PCDHA8: variants seen among roughly 807,000 people sequenced by gnomAD.
PCDHA8 encodes protocadherin alpha-8.
In PCDHA8, 53 loss-of-function variants were observed where a neutral mutation model predicts 61.8. That is an observed-to-expected ratio of 0.86 (90% confidence interval 0.69 to 1.08). PCDHA8 has a LOEUF of 1.08. Ranked by LOEUF, PCDHA8 falls within the 50% of genes least tolerant of loss-of-function variation. The probability of loss-of-function intolerance (pLI) is 0.00; values close to 1 mark genes in which losing one functional copy is unlikely to be tolerated. For synonymous variants in PCDHA8, 618 were observed against 556.6 expected, an observed-to-expected ratio of 1.11 and a Z score of -1.55; for missense variants, 1,293 against 1,245.0, an observed-to-expected ratio of 1.04 and a Z score of -0.58.
intron 1 of PCDHA8, among the ~76,000 whole-genome samples, chr5:140,900,333 C>T (rs10071692): frequency 3.3e-5 from 5 of 151,856 alleles, no homozygotes; most frequent in Admixed American, 6.6e-5. Flanking sequence ...GCTGGAGTAC[C>T]GTGGCGCAAT....
At chr5:140,992,643 A>C (rs1215653539) in intron 3 of PCDHA8, among the ~76,000 whole-genome samples, 1 of 152,148 alleles carries the variant, frequency 6.6e-6, no homozygotes. Context: ...CCTGGAAAAT[A>C]GAAGAAAGAG....
At chr5:140,863,351 C>A in intron 1 of PCDHA8, 1 of 1,288,682 alleles carries the variant, frequency 7.8e-7, no homozygotes, top group Non-Finnish European at 1.1e-6. Flanking sequence ...CTGTACACGA[C>A]GCTGCGGTGC....
intron 3 of PCDHA8, among the ~76,000 whole-genome samples, chr5:140,987,698 A>T (rs1213489735): frequency 6.6e-6 from 1 of 152,142 alleles, no homozygotes; most frequent in African/African-American, 2.4e-5. Flanking sequence ...TTTTTAAATG[A>T]TTTTTCCAGG....
chr5:140,899,936 T>G (rs1443562291), intron 1 of PCDHA8, among the ~76,000 whole-genome samples: 1 of 152,064 alleles, frequency 6.6e-6, no homozygotes, highest in Non-Finnish European at 1.5e-5. Flanking sequence ...GCCTCCTGAA[T>G]AGCTGGGACC....
chr5:140,876,553 G>A, intron 1 of PCDHA8: 2 of 1,614,216 alleles, frequency 1.2e-6, no homozygotes, highest in African/African-American at 2.7e-5. Context: ...CCCTGTGCAA[G>A]AGGATGCTCA....
Position 140,842,829 on chromosome 5 carries a change from C to A in PCDHA8, c.1508C>A (p.Ser503Ter), listed in dbSNP as rs2150345601. The change falls in exon 1 of 4, where the codon TCG becomes TAG. Residue 503 changes from serine (S) to a stop codon, truncating the protein, a stop_gained. Transcript: ENST00000531613. LOFTEE classifies it high-confidence loss of function. ...GTGGAGCGGCGGGTGGGCGAGCGCT[C>A]GCTGTCGAGCTACATTTCGGTGCAC... is the stretch of plus-strand genomic sequence containing the variant. ...SLVERRVGER[S>*]LSSYISVHTE... 1.9e-6 allele frequency: 3 copies of A among 1,593,748 alleles called. No individual in the cohort carries two copies. The highest frequency in any genetic ancestry group is 3.4e-5 in the Admixed American group (2 of 59,298).
rs185971380 is a variant in PCDHA8, at chr5:140,858,398, G to T, written c.2394+14683G>T. On this transcript the variant is annotated intron_variant, in intron 1 of 3. Transcript: ENST00000531613. ...ACCATGCCCAATGGTAGATGTGGAC[G>T]GGGAAGATCAGTCTATTGGAGGGGA... The T allele has an allele frequency of 3.4e-5, 54 of 1,574,020 alleles. No homozygotes were observed. In the East Asian group the frequency reaches 1.1e-3, roughly 32 times the overall value.
At chr5:140,972,708 G>C (rs1309799075) in intron 1 of PCDHA8, among the ~76,000 whole-genome samples, 1 of 146,140 alleles carries the variant, frequency 6.8e-6, no homozygotes, top group East Asian at 2.0e-4. Context: ...TCTGTTGCCA[G>C]GCTGGAGTGC....
In PCDHA8 at chr5:140,927,525, T is replaced by G. The variant is rs782496581; in HGVS notation, c.2395-51424T>G. ...TTACAGCTCGGGACGGCGGGCTACC[T>G]GCCCGCTCAGGAGACGCACAAGTCA... On this transcript the variant is annotated intron_variant, in intron 1 of 3. Transcript: ENST00000531613. 3.1e-6 allele frequency: 5 copies of G among 1,614,088 alleles called. 1 individual carries two copies. In the South Asian group the frequency reaches 5.5e-5, roughly 18 times the overall value.
At chr5:140,904,110 T>C (rs556511949) in intron 1 of PCDHA8, among the ~76,000 whole-genome samples, 2 of 152,218 alleles carry the variant, frequency 1.3e-5, no homozygotes, top group Non-Finnish European at 2.9e-5. Context: ...TGGTCATTGC[T>C]GAGATTTTGG....
intron 1 of PCDHA8, chr5:140,967,059 C>A (rs2153750398): frequency 6.2e-7 from 1 of 1,612,750 alleles, no homozygotes; most frequent in Non-Finnish European, 8.5e-7. Context: ...ACGAGTGGAG[C>A]GCTCTTCGTC....
At chr5:140,888,118 T>C (rs2061702019) in intron 1 of PCDHA8, among the ~76,000 whole-genome samples, 1 of 152,228 alleles carries the variant, frequency 6.6e-6, no homozygotes, top group Non-Finnish European at 1.5e-5. Context: ...TCTATCTTCT[T>C]CTATGGATAT....
intron 3 of PCDHA8, among the ~76,000 whole-genome samples, chr5:141,001,011 A>G (rs912284389): frequency 3.9e-5 from 6 of 152,206 alleles, no homozygotes; most frequent in African/African-American, 1.4e-4. Context: ...ATGTATTTAG[A>G]TATACACTTA....
intron 3 of PCDHA8, among the ~76,000 whole-genome samples, chr5:140,994,546 A>T (rs1168797848): frequency 6.6e-6 from 1 of 152,066 alleles, no homozygotes; most frequent in Non-Finnish European, 1.5e-5. Context: ...CTACAAAAAA[A>T]ATATAAAAAT....
intron 1 of PCDHA8, among the ~76,000 whole-genome samples, chr5:140,901,586 T>C (rs550614771): frequency 9.2e-5 from 14 of 152,348 alleles, no homozygotes; most frequent in African/African-American, 3.4e-4. Context: ...AGTGCCATGA[T>C]GTTTTGGTTA....
intron 3 of PCDHA8, among the ~76,000 whole-genome samples, chr5:140,998,569 G>GTT (rs71574497): frequency 0.068 from 10,108 of 149,316 alleles, 392 homozygotes; most frequent in Middle Eastern, 0.14. Flanking sequence ...TTGTAAATAA[G>GTT]TTTTTTTTTT....
chr5:140,849,102 G>A, intron 1 of PCDHA8: 1 of 1,468,874 alleles, frequency 6.8e-7, no homozygotes, highest in Non-Finnish European at 9.2e-7. Context: ...TTTAGACAGA[G>A]AAGAAACTCC....
intron 1 of PCDHA8, chr5:140,884,671 A>G (rs1554181819): frequency 1.3e-6 from 2 of 1,562,846 alleles, no homozygotes; most frequent in African/African-American, 2.7e-5. Context: ...AGGTAAGCTT[A>G]TATTTTAAAA....
At chr5:140,906,813 A>G (rs1287106484) in intron 1 of PCDHA8, among the ~76,000 whole-genome samples, 4 of 152,042 alleles carry the variant, frequency 2.6e-5, no homozygotes, top group African/African-American at 4.8e-5. Flanking sequence ...CCTTACCTCC[A>G]CTGTGGAGTA....
Sources: allele counts gnomAD v4.1 joint callset (sites outside exome capture counted in the v4.1 genomes callset), GRCh38; gene constraint gnomAD v4.1.1; transcripts MANE v1.5; gene names NCBI Gene and HGNC (gene_info 2026-07-23, HGNC 2026-07-21).